TTLL13: variants seen among roughly 807,000 people sequenced by gnomAD.
TTLL13 encodes the protein tubulin polyglutamylase TTLL13.
chr15:90,263,093 C>A, the TTLL13 span: 1 of 1,536,084 alleles, frequency 6.5e-7, no homozygotes, highest in Non-Finnish European at 8.7e-7. Context: ...GAGCAGCTCA[C>A]CCGTCTGCAG....
the TTLL13 span, among the ~76,000 whole-genome samples, chr15:90,261,228 G>A: frequency 4.2e-3 from 636 of 151,266 alleles, 5 homozygotes; most frequent in African/African-American, 0.014. Flanking sequence ...ACAGGCACAC[G>A]CCACCAAGCC....
At chr15:90,263,861 T>A in the TTLL13 span, 1 of 901,062 alleles carries the variant, frequency 1.1e-6, no homozygotes, top group Non-Finnish European at 1.8e-6. Flanking sequence ...CATCCAGTTC[T>A]GCCCCATGAA....
At chr15:90,255,909 C>T in the TTLL13 span, 1 of 1,614,026 alleles carries the variant, frequency 6.2e-7, no homozygotes, top group Non-Finnish European at 8.5e-7. Flanking sequence ...GCTTCCCATG[C>T]TGAGATACCA....
At chr15:90,257,667 G>A in the TTLL13 span, 2 of 1,614,180 alleles carry the variant, frequency 1.2e-6, no homozygotes, top group Non-Finnish European at 1.7e-6. Context: ...GACCAACTAT[G>A]CTATCAACAA....
chr15:90,264,249 T>A, the TTLL13 span, among the ~76,000 whole-genome samples: 2 of 152,156 alleles, frequency 1.3e-5, no homozygotes, highest in Non-Finnish European at 2.9e-5. Context: ...TGAAGTACAA[T>A]GGCTTGATCT....
At chr15:90,258,379 A>G in the TTLL13 span, 3 of 962,612 alleles carry the variant, frequency 3.1e-6, no homozygotes, top group Non-Finnish European at 3.3e-6. Flanking sequence ...GGGAGATGTG[A>G]AAGCCCTGGG....
the TTLL13 span, among the ~76,000 whole-genome samples, chr15:90,251,351 C>G: frequency 2.0e-5 from 3 of 146,414 alleles, no homozygotes; most frequent in Non-Finnish European, 1.5e-5. Flanking sequence ...GTCTCTATCT[C>G]CTGACCTTGT....
At chr15:90,253,230 G>C in the TTLL13 span, 1 of 1,605,844 alleles carries the variant, frequency 6.2e-7, no homozygotes, top group Non-Finnish European at 8.5e-7. Flanking sequence ...TGGCACTACT[G>C]ATCTCCCTGT....
chr15:90,252,098 G>C, the TTLL13 span, among the ~76,000 whole-genome samples: 1 of 144,698 alleles, frequency 6.9e-6, no homozygotes, highest in African/African-American at 2.5e-5. Context: ...GGAATGCAAT[G>C]GCGTGATCTC....
the TTLL13 span, chr15:90,265,404 T>C: frequency 2.4e-6 from 3 of 1,264,190 alleles, no homozygotes; most frequent in South Asian, 1.8e-5. Flanking sequence ...CAGGCAGGCC[T>C]GGGCAGCCGC....
chr15:90,257,085 T>C, the TTLL13 span: 1 of 1,554,712 alleles, frequency 6.4e-7, no homozygotes, highest in South Asian at 1.2e-5. Context: ...GAACAGCACA[T>C]AGTAGGCACT....
chr15:90,257,362 T>C, the TTLL13 span: 1 of 1,514,514 alleles, frequency 6.6e-7, no homozygotes, highest in African/African-American at 1.4e-5. Flanking sequence ...GAGAGGTTTG[T>C]CACTGTCACC....
chr15:90,252,553 G>A, the TTLL13 span, among the ~76,000 whole-genome samples: 1 of 152,070 alleles, frequency 6.6e-6, no homozygotes, highest in Non-Finnish European at 1.5e-5. Context: ...GGACTTCAAC[G>A]ATTAAGAAAA....
chr15:90,255,904 C>T, the TTLL13 span: 1 of 1,614,058 alleles, frequency 6.2e-7, no homozygotes, highest in Non-Finnish European at 8.5e-7. Flanking sequence ...GTCTGGCTTC[C>T]CATGCTGAGA....
chr15:90,257,150 G>A, the TTLL13 span: 1 of 1,613,218 alleles, frequency 6.2e-7, no homozygotes, highest in Admixed American at 1.7e-5. Flanking sequence ...CCTCCTCATT[G>A]ATGGCTTCAA....
chr15:90,252,329 G>A, the TTLL13 span, among the ~76,000 whole-genome samples: 1 of 151,948 alleles, frequency 6.6e-6, no homozygotes, highest in African/African-American at 2.4e-5. Context: ...GAGCCACCAT[G>A]CCCAGCCTGC....
chr15:90,251,216 C>A, the TTLL13 span, among the ~76,000 whole-genome samples: 35,989 of 142,630 alleles, frequency 0.25, 5,683 homozygotes, highest in East Asian at 0.67. Flanking sequence ...CGGGTTCAGG[C>A]CATTCTCCTG....
the TTLL13 span, among the ~76,000 whole-genome samples, chr15:90,256,577 CTTTCTTTCTTTCTTTCT>C: frequency 1.8e-4 from 10 of 56,864 alleles, 1 homozygote; most frequent in East Asian, 8.4e-4. Flanking sequence ...TTCTTTCTTT[CTTTCTTTCTTTCTTTCT>C]TTCTTTCTTT....
the TTLL13 span, among the ~76,000 whole-genome samples, chr15:90,252,112 T>A: frequency 2.0e-5 from 3 of 149,876 alleles, no homozygotes; most frequent in African/African-American, 4.9e-5. Context: ...TGATCTCGAC[T>A]CACTGCAACC....
Sources: gnomAD v4.1 joint callset for allele counts (sites outside exome capture counted in the v4.1 genomes callset) on GRCh38, gnomAD v4.1.1 for gene constraint, MANE v1.5 for transcripts, NCBI Gene and HGNC (gene_info 2026-07-23, HGNC 2026-07-21) for gene names.